Variants in GLS2 observed in about 807,000 individuals in gnomAD.
GLS2 encodes glutaminase liver isoform, mitochondrial.
Under a neutral mutation model 79.0 loss-of-function variants are expected in GLS2, and 52 were observed. The ratio of observed to expected loss-of-function variants is 0.66; its 90% confidence interval spans 0.53 to 0.83. The LOEUF is 0.83. GLS2 is among the 40% of genes least tolerant of loss of function. The pLI is 0.00. For synonymous variants in GLS2, 238 were observed against 280.8 expected, an observed-to-expected ratio of 0.85 and a Z score of 1.52; for missense variants, 561 against 764.8, an observed-to-expected ratio of 0.73 and a Z score of 3.14.
At position 56,473,311 on chromosome 12, in the gene GLS2, A is replaced by C. The variant is rs1163906757; in HGVS notation, c.1366T>G (p.Ser456Ala). 2 of 1,614,030 alleles carry C rather than the reference A, an allele frequency of 1.2e-6. No individual in the cohort carries two copies. The highest frequency in any genetic ancestry group is 1.7e-6 in the Non-Finnish European group (2 of 1,180,034). ...TCATAGTTGTGGAAATTGAAGAGAG[A>C]CACCAACTTCTAGAATTGTAAGCCA... Reference protein sequence around the residue: ...RGTSFCQKLVSLFNFHNYDNL... With the variant: ...RGTSFCQKLVALFNFHNYDNL... Residue 456 changes from serine to alanine, a missense_variant, in exon 14 of 18, where the codon TCT becomes GCT. Coordinates refer to ENST00000311966, the MANE Select transcript of GLS2 (RefSeq NM_013267.4).
Position 56,487,918 on chromosome 12 carries a change from C to A in GLS2, c.182+19G>T. On this transcript the variant is annotated intron_variant, in intron 1 of 17. Transcript: ENST00000311966. Reference sequence around the variant, plus strand: ...GAGTGGGGGCAAGCCCGTCCCCTGCCCTGTCCCAGGAGCCTTACTGATCCT... The same window carrying A: ...GAGTGGGGGCAAGCCCGTCCCCTGCACTGTCCCAGGAGCCTTACTGATCCT... 1 of 1,599,634 alleles carries A rather than the reference C, an allele frequency of 6.3e-7. No individual in the cohort carries two copies. Among genetic ancestry groups the A allele is most frequent in the Non-Finnish European group, 8.5e-7 (1 of 1,178,976 alleles).
chr12:56,482,767 T>TG (rs1410944299), intron 1 of GLS2, among the ~76,000 whole-genome samples: 1 of 152,226 alleles, frequency 6.6e-6, no homozygotes, highest in Non-Finnish European at 1.5e-5. Flanking sequence ...GAAGAGTTAT[T>TG]GTTTTTTTAA....
chr12:56,475,702 A>G lies in GLS2; in HGVS notation c.871-20T>C. 6.2e-7 allele frequency: 1 copy of G among 1,613,940 alleles called. No homozygotes were observed. Among genetic ancestry groups the G allele is most frequent in the Non-Finnish European group, 8.5e-7 (1 of 1,179,800 alleles). On this transcript the variant is annotated intron_variant, in intron 8 of 17. Transcript: ENST00000311966. Reference sequence around the variant, plus strand: ...CAACACCTGGAAGAGAAAAAGGGACATTGAGGCTCCACTTGGTTAAGAAGC... The same window carrying G: ...CAACACCTGGAAGAGAAAAAGGGACGTTGAGGCTCCACTTGGTTAAGAAGC...
intron 14 of GLS2, 46 bp downstream of exon 14, chr12:56,473,182 C>T (rs1367661802): frequency 1.9e-6 from 3 of 1,574,630 alleles, no homozygotes; most frequent in Non-Finnish European, 2.6e-6. Flanking sequence ...AGCCACCGCA[C>T]CTGGCCTTTG....
intron 1 of GLS2, among the ~76,000 whole-genome samples, chr12:56,481,629 A>C (rs1870305305): frequency 6.7e-6 from 1 of 149,016 alleles, no homozygotes; most frequent in Non-Finnish European, 1.5e-5. Context: ...GGTGACTCAC[A>C]CCTGTAATCC....
chr12:56,487,905 G>A (rs1565710147), intron 1 of GLS2, 32 bp downstream of exon 1: 1 of 1,590,232 alleles, frequency 6.3e-7, no homozygotes, highest in Non-Finnish European at 8.5e-7. Context: ...GTGGGGGCAA[G>A]CCCGTCCCCT....
Position 56,474,877 on chromosome 12 carries a change from T to G in GLS2, c.1016A>C (p.Asp339Ala). ...GTAGAGATCAAGGGCAGCCATCATG[T>G]CCACCCCCTTAGGAAAGCACTGCAA... ...KEKKCFPKGV[D>A]MMAALDLYFQ... The change falls in exon 11 of 18, where the codon GAC becomes GCC. Residue 339 changes from aspartate (D) to alanine (A), a missense_variant. Around this residue, in one of 4 missense-constraint regions of GLS2, gnomAD observed 221 missense variants for 275.6 expected, o/e 0.80. Coordinates refer to ENST00000311966, the MANE Select transcript of GLS2 (RefSeq NM_013267.4). The G allele has an allele frequency of 6.2e-7, 1 of 1,614,166 alleles. No individual in the cohort carries two copies. The highest frequency in any genetic ancestry group is 8.5e-7 in the Non-Finnish European group (1 of 1,180,030).
chr12:56,476,538 G>A (rs968571001), intron 7 of GLS2: 1 of 154,144 alleles, frequency 6.5e-6, no homozygotes, highest in East Asian at 1.9e-4. Context: ...AGGATCGCTT[G>A]AGACCAGGGG....
chr12:56,475,341 A>G, intron 9 of GLS2: 1 of 1,166,144 alleles, frequency 8.6e-7, no homozygotes, highest in Non-Finnish European at 1.2e-6. Flanking sequence ...CTAGTCATCT[A>G]GGAAAACTGG....
chr12:56,484,738 G>A (rs1870553425), intron 1 of GLS2, among the ~76,000 whole-genome samples: 1 of 152,134 alleles, frequency 6.6e-6, no homozygotes, highest in Non-Finnish European at 1.5e-5. Flanking sequence ...GATATGGATG[G>A]ATCACCAATG....
At chr12:56,474,147 C>A in intron 12 of GLS2, 1 of 213,138 alleles carries the variant, frequency 4.7e-6, no homozygotes, top group Non-Finnish European at 9.4e-6. Flanking sequence ...GGCTACAGTG[C>A]AATGGCACAA....
rs201388259 is a variant in GLS2 at position 56,488,069 on chromosome 12, T to C, written c.50A>G (p.His17Arg). 2 of 1,579,436 alleles carry C rather than the reference T, an allele frequency of 1.3e-6. No homozygotes were observed. Among genetic ancestry groups the C allele is most frequent in the East Asian group, 2.3e-5 (1 of 43,804 alleles). Reference protein sequence around the residue: ...LQKALSRAGSHCGRGGWGHPS... With the variant: ...LQKALSRAGSRCGRGGWGHPS... ...GTGACCCCAGCCTCCTCGCCCGCAG[T>C]GACTGCCAGCCCGGCTCAGGGCCTT... is the stretch of plus-strand genomic sequence containing the variant. Residue 17 changes from histidine to arginine, a missense_variant, in exon 1 of 18, where the codon CAC (histidine) becomes CGC (arginine). By Grantham distance (29) the His-to-Arg change is conservative. This residue lies in a region of GLS2 where 161 missense variants were observed against 167.8 expected (regional missense o/e 0.96). Coordinates refer to ENST00000311966, the MANE Select transcript of GLS2 (RefSeq NM_013267.4).
rs529280201 is a variant in GLS2 at position 56,479,375 on chromosome 12, T to A, written c.405-194A>T. The A allele has an allele frequency of 1.0e-5, 6 of 595,568 alleles. No individual in the cohort carries two copies. In the South Asian group the frequency reaches 1.7e-4, roughly 17 times the overall value. 36.9% of individuals were successfully genotyped at this position (595,568 alleles called of 1,614,324 possible). A position where few individuals can be genotyped will look rare whatever the true frequency, so the allele number is the denominator to read the frequency against. The stretch of plus-strand genomic sequence containing the variant: ...CCTCTAAAATGAGGGGTTTTAATGA[T>A]GTGGAAAGACACTATGTCTTGGGAT... On this transcript the variant is annotated intron_variant, in intron 3 of 17. Transcript: ENST00000311966.
At chr12:56,472,308 AGCCAGATTTGTTG>A in intron 15 of GLS2, 113 bp from the exon 16 acceptor site, 2 of 924,308 alleles carry the variant, frequency 2.2e-6, no homozygotes, top group South Asian at 2.8e-5. Flanking sequence ...AACAGCCTAT[AGCCAGATTTGTTG>A]GCTCTGAATA....
At position 56,471,282 on chromosome 12, in the gene GLS2, T is replaced by C. The variant is rs1325375514; in HGVS notation, c.*205A>G. On this transcript the variant is annotated 3_prime_UTR_variant, in exon 18 of 18. Coordinates refer to ENST00000311966, the MANE Select transcript of GLS2 (RefSeq NM_013267.4). The stretch of plus-strand genomic sequence containing the variant: ...TCTCTCTGGATAGCTGTACTGCAGG[T>C]GTCCTCTGAGGCCCTTCTCTGTACT... 4.4e-5 allele frequency: 24 copies of C among 548,212 alleles called. No homozygotes were observed. The highest frequency in any genetic ancestry group is 6.7e-5 in the Non-Finnish European group (21 of 315,438). The allele number at this position is 548,212 out of a possible 1,614,324, so 34.0% of individuals were successfully genotyped here.
intron 7 of GLS2, 164 bp downstream of exon 7, chr12:56,477,496 T>G: frequency 1.5e-6 from 1 of 652,330 alleles, no homozygotes; most frequent in Non-Finnish European, 2.7e-6. Flanking sequence ...ACTGACATTG[T>G]CAGCATAACA....
intron 1 of GLS2, among the ~76,000 whole-genome samples, chr12:56,481,160 C>G (rs1051793538): frequency 2.9e-5 from 4 of 137,070 alleles, no homozygotes; most frequent in African/African-American, 1.1e-4. Flanking sequence ...GAGTTTTGCT[C>G]TTGTTGCCTC....
In GLS2 at chr12:56,481,839, C is replaced by T. The variant is rs1295373148; in HGVS notation, c.183-1452G>A. On this transcript the variant is annotated intron_variant, in intron 1 of 17. Transcript: ENST00000311966. ...CCAGGAGTCAGAGGTTGCAGTGAGC[C>T]GAGATCACGCCATTACACTCCAGCC... Among the ~76,000 whole-genome samples the T allele has an allele frequency of 4.6e-5, 7 of 151,470 alleles. No individual in the cohort carries two copies. The South Asian group carries it at 1.0e-3, about 22-fold the overall frequency.
intron 12 of GLS2, 180 bp downstream of exon 12, chr12:56,474,364 T>A (rs991030337): frequency 4.2e-6 from 3 of 715,596 alleles, no homozygotes; most frequent in Non-Finnish European, 2.3e-6. Context: ...CATCTCTTTA[T>A]ATATTCGAGG....
Sources: allele counts gnomAD v4.1 joint callset (sites outside exome capture counted in the v4.1 genomes callset), GRCh38; gene constraint gnomAD v4.1.1; regional missense constraint gnomAD v4.1.1; transcripts MANE v1.5; gene names NCBI Gene and HGNC (gene_info 2026-07-23, HGNC 2026-07-21).